The following PRDM2 variants were observed in gnomAD, a reference collection of about 807,000 sequenced individuals.
PRDM2 encodes PR domain zinc finger protein 2.
Under a neutral mutation model 130.0 loss-of-function variants are expected in PRDM2, and 30 were observed. That is an observed-to-expected ratio of 0.23 (90% CI 0.17 to 0.31). The LOEUF is 0.31. Among genes scored for constraint, PRDM2 ranks in the 10% least tolerant of loss-of-function variants. The pLI is 1.00. For missense variants in PRDM2, 2,011 were observed against 2,108.4 expected (o/e 0.95, Z 0.90); for synonymous variants, 871 against 782.4 (o/e 1.11, Z -1.89).
At chr1:13,750,173 TAAAAAG>T (rs2100540064) in intron 6 of PRDM2, among the ~76,000 whole-genome samples, 1 of 152,232 alleles carries the variant, frequency 6.6e-6, no homozygotes, top group South Asian at 2.1e-4. Flanking sequence ...TAGTCACACT[TAAAAAG>T]GGAGGGGATA....
In PRDM2 at chr1:13,779,609, T is replaced by G; in HGVS notation, c.1814T>G (p.Val605Gly). The G allele has an allele frequency of 1.2e-6, 2 of 1,614,090 alleles. No homozygotes were observed. Among genetic ancestry groups the G allele is most frequent in the Non-Finnish European group, 1.7e-6 (2 of 1,179,964 alleles). ...LYGINCLLTP[V>G]TVEITQNIKT... is the part of the protein sequence containing the mutation. ...GGTATAAATTGTCTGCTCACTCCAG[T>G]TACAGTGGAAATTACTCAAAATATA... The change falls in exon 8 of 10, where the codon GTT becomes GGT. Residue 605 changes from valine to glycine, a missense_variant. Val to Gly is a moderately radical substitution (Grantham distance 109). This residue lies in a region of PRDM2 where 1,288 missense variants were observed against 1,237.7 expected (regional missense o/e 1.04). Transcript: ENST00000311066. The surrounding 1 kb of genome is among the most constrained non-coding windows in gnomAD (Gnocchi z 4.9).
In PRDM2 at chr1:13,797,714, A is replaced by C. The variant is rs183161493; in HGVS notation, c.5036+14883A>C. 9.0e-4 allele frequency among the ~76,000 whole-genome samples: 137 copies of C among 152,196 alleles called. 1 individual carries two copies. The highest frequency in any genetic ancestry group is 2.8e-3 in the African/African-American group (118 of 41,520). On this transcript the variant is annotated intron_variant, in intron 8 of 9. Transcript: ENST00000311066. ...TCTCCCCAGGATGTTTGCTCAGTGGACCACCTACATTAAAAAATCACCTGG... is the reference window on the plus strand; with the variant it reads ...TCTCCCCAGGATGTTTGCTCAGTGGCCCACCTACATTAAAAAATCACCTGG...
At chr1:13,729,361 A>C (rs1398716472) in intron 2 of PRDM2, among the ~76,000 whole-genome samples, 1 of 152,194 alleles carries the variant, frequency 6.6e-6, no homozygotes, top group Non-Finnish European at 1.5e-5. Flanking sequence ...CGGAAGAAGA[A>C]AATCCCCTTT....
intron 8 of PRDM2, among the ~76,000 whole-genome samples, chr1:13,800,693 C>G (rs74401718): frequency 0.017 from 2,595 of 152,324 alleles, 82 homozygotes; most frequent in African/African-American, 0.059. Context: ...TTGATGAACA[C>G]ACACACATCC....
chr1:13,782,807 C>T lies in PRDM2; in HGVS notation c.5012C>T (p.Ala1671Val). 6.2e-7 allele frequency: 1 copy of T among 1,608,268 alleles called. No homozygotes were observed. Among genetic ancestry groups the T allele is most frequent in the Non-Finnish European group, 8.5e-7 (1 of 1,178,818 alleles). Reference protein sequence around the residue: ...LSENKREDGSAKQELKDFSYS... With the variant: ...LSENKREDGSVKQELKDFSYS... ...GAGAACAAGAGAGAGGACGGCAGCG[C>T]CAAGCAGGAGCTGAAGGACTTCAGG... The change falls in exon 8 of 10, where the codon GCC becomes GTC. Residue 1671 changes from alanine to valine, a missense_variant. Ala to Val is a moderately conservative substitution (Grantham distance 64, BLOSUM62 0). Around this residue, in one of 5 missense-constraint regions of PRDM2, gnomAD observed 410 missense variants for 395.9 expected, o/e 1.04. Coordinates refer to ENST00000311066, the MANE Select transcript of PRDM2 (RefSeq NM_001393986.1).
intron 5 of PRDM2, among the ~76,000 whole-genome samples, chr1:13,745,242 G>A (rs566880463): frequency 6.6e-6 from 1 of 152,248 alleles, no homozygotes; most frequent in East Asian, 1.9e-4. Context: ...ATGTGATAGA[G>A]ACTAGCTAGG....
chr1:13,798,489 C>CTG (rs4025941), intron 8 of PRDM2, among the ~76,000 whole-genome samples: 119,458 of 151,782 alleles, frequency 0.79, 47,707 homozygotes, highest in African/African-American at 0.93. Context: ...CAGTATAAAA[C>CTG]TGCTAGCAAC....
chr1:13,725,449 C>T (rs141201322), intron 2 of PRDM2, among the ~76,000 whole-genome samples: 2,741 of 152,296 alleles, frequency 0.018, 63 homozygotes, highest in South Asian at 0.12. Context: ...AAGTGATCTG[C>T]CTGCCTCGGC....
intron 8 of PRDM2, among the ~76,000 whole-genome samples, chr1:13,810,688 G>C (rs990256694): frequency 1.3e-5 from 2 of 151,600 alleles, no homozygotes; most frequent in African/African-American, 4.8e-5. Flanking sequence ...TAGAGACGGG[G>C]TTTCACTGTG....
At chr1:13,723,168 C>T (rs116216818) in intron 2 of PRDM2, among the ~76,000 whole-genome samples, 21 of 152,340 alleles carry the variant, frequency 1.4e-4, no homozygotes, top group African/African-American at 5.1e-4. Context: ...ATACATGACT[C>T]ATTTTCATCT....
intron 6 of PRDM2, among the ~76,000 whole-genome samples, chr1:13,758,956 A>G (rs1240957272): frequency 2.0e-5 from 3 of 152,228 alleles, no homozygotes; most frequent in African/African-American, 4.8e-5. Flanking sequence ...AGATAAGAAT[A>G]TAACATCTAA....
chr1:13,721,232 T>A (rs1642718638), intron 2 of PRDM2, among the ~76,000 whole-genome samples: 1 of 152,216 alleles, frequency 6.6e-6, no homozygotes, highest in African/African-American at 2.4e-5. Context: ...GGAGACCATC[T>A]GACCATGTAG....
rs548644557 is a variant in PRDM2, at chr1:13,769,373, C to T, written c.512-3705C>T. On this transcript the variant is annotated intron_variant, in intron 6 of 9. Coordinates refer to ENST00000311066, the MANE Select transcript of PRDM2 (RefSeq NM_001393986.1). ...TTTAAGGAAATGTAGCAGGTTCCACCGCCTGTTGCTGCAATATTTGGCGGT... is the reference window on the plus strand; with the variant it reads ...TTTAAGGAAATGTAGCAGGTTCCACTGCCTGTTGCTGCAATATTTGGCGGT... Among the ~76,000 whole-genome samples, 61 of 152,162 alleles carry T rather than the reference C, an allele frequency of 4.0e-4. 1 individual carries two copies. Among genetic ancestry groups the T allele is most frequent in the Non-Finnish European group, 7.5e-4 (51 of 68,024 alleles).
chr1:13,779,603 C>T lies in PRDM2; in HGVS notation c.1808C>T (p.Thr603Ile). The T allele has an allele frequency of 1.9e-6, 3 of 1,614,104 alleles. No individual in the cohort carries two copies. The highest frequency in any genetic ancestry group is 2.5e-6 in the Non-Finnish European group (3 of 1,179,966). Residue 603 changes from threonine to isoleucine, a missense_variant, in exon 8 of 10, where the codon ACT (threonine) becomes ATT (isoleucine). Coordinates refer to ENST00000311066, the MANE Select transcript of PRDM2 (RefSeq NM_001393986.1). This position sits in a 1 kb window ranked among gnomAD's most constrained non-coding sequence, Gnocchi z 4.9. ...ADLYGINCLL[T>I]PVTVEITQNI... is the part of the protein sequence containing the mutation. ...TTGTATGGTATAAATTGTCTGCTCA[C>T]TCCAGTTACAGTGGAAATTACTCAA...
chr1:13,748,362 C>T (rs1643680172), intron 5 of PRDM2, among the ~76,000 whole-genome samples: 1 of 152,196 alleles, frequency 6.6e-6, no homozygotes, highest in African/African-American at 2.4e-5. Context: ...CTAATTCCAA[C>T]ATTTCTTTTT....
intron 9 of PRDM2, among the ~76,000 whole-genome samples, chr1:13,818,166 C>T (rs996435722): frequency 2.0e-5 from 3 of 152,160 alleles, no homozygotes; most frequent in African/African-American, 7.2e-5. Context: ...CAGATGGCCC[C>T]CTGGTTCTGG....
chr1:13,745,103 T>A (rs1643562786), intron 5 of PRDM2, among the ~76,000 whole-genome samples: 1 of 152,242 alleles, frequency 6.6e-6, no homozygotes, highest in African/African-American at 2.4e-5. Flanking sequence ...CCAAGTACTC[T>A]CCTATAGTAG....
intron 6 of PRDM2, among the ~76,000 whole-genome samples, chr1:13,751,579 A>G (rs905718147): frequency 3.3e-5 from 5 of 151,562 alleles, no homozygotes; most frequent in Non-Finnish European, 7.4e-5. Context: ...GTGTGACCTC[A>G]AACATTTAAA....
At chr1:13,794,608 G>A (rs1316878117) in intron 8 of PRDM2, among the ~76,000 whole-genome samples, 1 of 152,176 alleles carries the variant, frequency 6.6e-6, no homozygotes, top group Admixed American at 6.5e-5. Flanking sequence ...TAATCAATCT[G>A]ACCACAAAGA....
Sources: gnomAD v4.1 joint callset for allele counts (sites outside exome capture counted in the v4.1 genomes callset) on GRCh38, gnomAD v4.1.1 for gene constraint, gnomAD v4.1.1 regional missense constraint, Gnocchi (gnomAD v3.1) non-coding constraint, MANE v1.5 for transcripts, NCBI Gene and HGNC (gene_info 2026-07-23, HGNC 2026-07-21) for gene names.